The following PPP1R9A variants were observed in gnomAD, a reference collection of about 807,000 sequenced individuals.
PPP1R9A encodes protein phosphatase 1 regulatory subunit 9A, also known as neurabin-1.
PPP1R9A carries 59 observed loss-of-function variants against 141.9 expected under a neutral mutation model. The observed-to-expected ratio is 0.42, with a 90% confidence interval of 0.34 to 0.52. The LOEUF (loss-of-function observed/expected upper bound fraction) is 0.52. Ranked by LOEUF, PPP1R9A falls within the 20% of genes least tolerant of loss-of-function variation. PPP1R9A has a pLI of 0.10. For missense variants in PPP1R9A, 1,444 were observed against 1,611.9 expected (o/e 0.90, Z 1.78); for synonymous variants, 500 against 569.7 (o/e 0.88, Z 1.74).
chr7:94,980,873 A>G (rs957777199), intron 2 of PPP1R9A, among the ~76,000 whole-genome samples: 1 of 152,206 alleles, frequency 6.6e-6, no homozygotes, highest in African/African-American at 2.4e-5. Flanking sequence ...AAATGCATAT[A>G]GAAGAGTCAT....
chr7:95,274,930 A>C (rs1444267099), intron 16 of PPP1R9A, among the ~76,000 whole-genome samples: 4 of 152,186 alleles, frequency 2.6e-5, no homozygotes, highest in African/African-American at 9.7e-5. Context: ...TACCTTTTAC[A>C]TAAGGTCAGT....
chr7:94,923,332 A>G (rs1167346351), intron 2 of PPP1R9A, among the ~76,000 whole-genome samples: 1 of 152,234 alleles, frequency 6.6e-6, no homozygotes, highest in Non-Finnish European at 1.5e-5. Flanking sequence ...CTTACTAAAA[A>G]TAATAAACAT....
rs1441872524 is a variant in PPP1R9A, at chr7:95,288,662, A to C, written c.3856A>C (p.Ser1286Arg). ...TCTGGAGCAGTATGTATCTGAATTC[A>C]GTGCCCAAAACATCACTGGAGAACA... ...LNLEQYVSEF[S>R]AQNITGEQLL... The change falls in exon 19 of 20, where the codon AGT becomes CGT. Residue 1286 changes from serine (S) to arginine (R), a missense_variant. By Grantham distance (110) the Ser-to-Arg change is moderately radical. Around this residue, in one of 5 missense-constraint regions of PPP1R9A, gnomAD observed 459 missense variants for 513.8 expected, o/e 0.89. Coordinates refer to ENST00000433360, the MANE Select transcript of PPP1R9A (RefSeq NM_001166160.2). The C allele has an allele frequency of 6.2e-7, 1 of 1,614,156 alleles. No homozygotes were observed. Among genetic ancestry groups the C allele is most frequent in the South Asian group, 1.1e-5 (1 of 91,088 alleles).
intron 2 of PPP1R9A, among the ~76,000 whole-genome samples, chr7:94,959,474 A>C (rs979604046): frequency 2.0e-5 from 3 of 151,668 alleles, no homozygotes; most frequent in Non-Finnish European, 4.4e-5. Context: ...AGGGTTTTTG[A>C]ATGATACTTA....
intron 5 of PPP1R9A, among the ~76,000 whole-genome samples, chr7:95,182,411 A>C (rs1341132025): frequency 6.6e-6 from 1 of 152,038 alleles, no homozygotes; most frequent in Non-Finnish European, 1.5e-5. Context: ...TTGGATATAC[A>C]CCTGGATGTG....
Position 94,934,814 on chromosome 7 carries a change from A to G in PPP1R9A, c.1395+23306A>G, listed in dbSNP as rs1446530551. 5.9e-5 allele frequency among the ~76,000 whole-genome samples: 9 copies of G among 151,480 alleles called. 1 individual carries two copies. Among genetic ancestry groups the G allele is most frequent in the Admixed American group, 5.3e-4 (8 of 15,192 alleles). On this transcript the variant is annotated intron_variant, in intron 2 of 19. Transcript: ENST00000433360. ...ATCAAATGTGTGTGTGTGTGTATGT[A>G]TATACACACATACATGTATATGTAC...
intron 2 of PPP1R9A, among the ~76,000 whole-genome samples, chr7:94,920,205 G>T (rs1260602833): frequency 6.6e-6 from 1 of 152,036 alleles, no homozygotes; most frequent in African/African-American, 2.4e-5. Context: ...CTTGACTTTT[G>T]AAAGTATGGG....
intron 2 of PPP1R9A, among the ~76,000 whole-genome samples, chr7:94,954,398 TAA>T (rs560461494): frequency 5.4e-4 from 82 of 152,134 alleles, no homozygotes; most frequent in African/African-American, 1.8e-3. Flanking sequence ...TTTATAATTT[TAA>T]AAGTCATTCT....
Position 95,286,286 on chromosome 7 carries a change from A to G in PPP1R9A, c.3690A>G (p.Thr1230=). The G allele has an allele frequency of 6.2e-7, 1 of 1,613,542 alleles. No individual in the cohort carries two copies. Among genetic ancestry groups the G allele is most frequent in the Non-Finnish European group, 8.5e-7 (1 of 1,179,638 alleles). ...DLSGLGAEPK[T]PGLSQSLALS... ...GCGGCTTAGGAGCAGAACCTAAAAC[A>G]CCAGGGCTCTCTCAGTCCTTAGCAC... The change falls in exon 18 of 20, where the codon ACA becomes ACG. Residue 1230 remains threonine, a synonymous_variant. Coordinates refer to ENST00000433360, the MANE Select transcript of PPP1R9A (RefSeq NM_001166160.2).
intron 12 of PPP1R9A, among the ~76,000 whole-genome samples, chr7:95,260,916 A>G (rs991267395): frequency 6.6e-6 from 1 of 152,140 alleles, no homozygotes; most frequent in Non-Finnish European, 1.5e-5. Context: ...CTGTATTCCA[A>G]ATTATTTCTT....
chr7:95,150,593 C>T (rs778449190), intron 4 of PPP1R9A, among the ~76,000 whole-genome samples: 1 of 152,134 alleles, frequency 6.6e-6, no homozygotes, highest in Non-Finnish European at 1.5e-5. Flanking sequence ...TGAGCCACCG[C>T]GTCCGGCTGG....
rs144476217 is a variant in PPP1R9A, at chr7:94,949,980, A to G, written c.1395+38472A>G. ...TTTTCTTATTTTTTCAGAAGCAGCT[A>G]TTCTCAAACTTTTTGGTGTCAAGAC... On this transcript the variant is annotated intron_variant, in intron 2 of 19. Transcript: ENST00000433360. Among the ~76,000 whole-genome samples the G allele has an allele frequency of 3.5e-5, 5 of 141,358 alleles. 1 individual carries two copies. The Admixed American group carries it at 3.7e-4, about 10-fold the overall frequency. The allele number at this position is 141,358 out of a possible 152,430, so 92.7% of individuals were successfully genotyped here.
At chr7:95,075,131 A>G (rs182589343) in intron 2 of PPP1R9A, among the ~76,000 whole-genome samples, 39 of 152,242 alleles carry the variant, frequency 2.6e-4, no homozygotes, top group East Asian at 1.4e-3. Flanking sequence ...TCTGTTTATT[A>G]TTGACTTCTC....
intron 2 of PPP1R9A, among the ~76,000 whole-genome samples, chr7:95,025,952 G>A (rs900529591): frequency 6.6e-6 from 1 of 152,102 alleles, no homozygotes; most frequent in African/African-American, 2.4e-5. Context: ...CTCTAAACTG[G>A]TTATTCTAGT....
chr7:95,066,975 TGGGA>T (rs990434112), intron 2 of PPP1R9A, among the ~76,000 whole-genome samples: 3 of 152,232 alleles, frequency 2.0e-5, no homozygotes, highest in African/African-American at 7.2e-5. Flanking sequence ...CGTTAATGGT[TGGGA>T]AATCTGGATG....
chr7:95,240,799 T>C lies in PPP1R9A; in HGVS notation c.2113-6674T>C, dbSNP rs763243870. On this transcript the variant is annotated intron_variant, in intron 8 of 19. Coordinates refer to ENST00000433360, the MANE Select transcript of PPP1R9A (RefSeq NM_001166160.2). Reference sequence around the variant, plus strand: ...CAAAAAGTGATCTTAAAATATTTTTTTACTTATGGGATACATCATTTTCAC... The same window carrying C: ...CAAAAAGTGATCTTAAAATATTTTTCTACTTATGGGATACATCATTTTCAC... Among the ~76,000 whole-genome samples the C allele has an allele frequency of 5.1e-4, 78 of 152,178 alleles. 1 individual carries two copies. The highest frequency in any genetic ancestry group is 1.5e-4 in the Non-Finnish European group (10 of 68,012).
chr7:95,273,730 G>A lies in PPP1R9A; in HGVS notation c.3125-169G>A, dbSNP rs140634978. 6.0e-3 allele frequency among the ~76,000 whole-genome samples: 915 copies of A among 152,310 alleles called. 9 individuals are homozygous for A. The highest frequency in any genetic ancestry group is 0.021 in the African/African-American group (864 of 41,574). On this transcript the variant is annotated intron_variant, in intron 14 of 19. Transcript: ENST00000433360. ...TAGAGGACCTCCCCTGCTTAACTGCGAGTTCCTCAATGTAACTGTGTCTCC... is the reference window on the plus strand; with the variant it reads ...TAGAGGACCTCCCCTGCTTAACTGCAAGTTCCTCAATGTAACTGTGTCTCC...
intron 7 of PPP1R9A, among the ~76,000 whole-genome samples, chr7:95,204,341 A>G (rs1331604114): frequency 1.3e-5 from 2 of 152,210 alleles, no homozygotes; most frequent in Non-Finnish European, 2.9e-5. Context: ...GTGTATGTAA[A>G]AGGCAGGCTG....
At position 95,150,028 on chromosome 7, in the gene PPP1R9A, C is replaced by T. The variant is rs371065007; in HGVS notation, c.1650-11839C>T. Among the ~76,000 whole-genome samples the T allele has an allele frequency of 1.1e-4, 17 of 151,728 alleles. No individual in the cohort carries two copies. The East Asian group carries it at 2.3e-3, about 21-fold the overall frequency. On this transcript the variant is annotated intron_variant, in intron 4 of 19. Transcript: ENST00000433360. ...AGACAAAGAGATCAGTGGAACAGAACAGAAAGCCCAGAAATAGACCCACAT... is the reference window on the plus strand; with the variant it reads ...AGACAAAGAGATCAGTGGAACAGAATAGAAAGCCCAGAAATAGACCCACAT...
Sources: allele counts gnomAD v4.1 joint callset (sites outside exome capture counted in the v4.1 genomes callset), GRCh38; gene constraint gnomAD v4.1.1; regional missense constraint gnomAD v4.1.1; transcripts MANE v1.5; gene names NCBI Gene and HGNC (gene_info 2026-07-23, HGNC 2026-07-21).